Variants in SPHKAP observed in about 807,000 individuals in gnomAD.
The protein encoded by SPHKAP is SPHK1 interactor, AKAP domain containing.
Under a neutral mutation model 137.5 loss-of-function variants are expected in SPHKAP, and 67 were observed. The observed-to-expected ratio is 0.49, with a 90% CI of 0.40 to 0.60. The LOEUF is 0.60. Ranked by LOEUF, SPHKAP falls within the 20% of genes least tolerant of loss-of-function variation. SPHKAP has a pLI of 0.00. For synonymous variants in SPHKAP, 813 were observed against 785.3 expected, an observed-to-expected ratio of 1.04 and a Z score of -0.59; for missense variants, 2,097 against 2,069.3, an observed-to-expected ratio of 1.01 and a Z score of -0.26.
intron 11 of SPHKAP, among the ~76,000 whole-genome samples, chr2:227,986,718 C>T (rs1427769681): frequency 6.6e-6 from 1 of 152,172 alleles, no homozygotes; most frequent in African/African-American, 2.4e-5. Flanking sequence ...ATACCCATTT[C>T]CTCCTTGGGC....
intron 3 of SPHKAP, among the ~76,000 whole-genome samples, chr2:228,080,067 TG>T (rs986266948): frequency 4.1e-5 from 6 of 146,330 alleles, no homozygotes; most frequent in Admixed American, 1.4e-4. Context: ...GAAGTAACAA[TG>T]TTTTTTTTTT....
At chr2:228,005,127 T>C (rs998692731) in intron 7 of SPHKAP, among the ~76,000 whole-genome samples, 12 of 152,192 alleles carry the variant, frequency 7.9e-5, no homozygotes, top group African/African-American at 2.9e-4. Context: ...TTCTGTCTCG[T>C]TGATCTGTCT....
At chr2:228,058,209 A>G (rs953869158) in intron 3 of SPHKAP, among the ~76,000 whole-genome samples, 2 of 152,174 alleles carry the variant, frequency 1.3e-5, no homozygotes, top group Admixed American at 6.5e-5. Flanking sequence ...TGCATCCTGC[A>G]TCTCCCAGCC....
At chr2:228,175,499 A>G (rs888104124) in intron 1 of SPHKAP, among the ~76,000 whole-genome samples, 26 of 152,306 alleles carry the variant, frequency 1.7e-4, no homozygotes, top group Admixed American at 1.3e-4. Context: ...CTGCTTAATA[A>G]AAAACATCTA....
rs568686467 is a variant in SPHKAP, at chr2:228,060,308, G to A, written c.247-32765C>T. ...AACAGCAACATTTCTTTTCACTCAC[G>A]CTGGCAATTCACTCTTGGTTTGCTA... On this transcript the variant is annotated intron_variant, in intron 3 of 11. Coordinates refer to ENST00000392056, the MANE Select transcript of SPHKAP (RefSeq NM_001142644.2). Among the ~76,000 whole-genome samples, 38 of 152,220 alleles carry A rather than the reference G, an allele frequency of 2.5e-4. No homozygotes were observed. The East Asian group carries it at 2.9e-3, about 12-fold the overall frequency.
At chr2:228,026,202 A>C (rs1378990812) in intron 4 of SPHKAP, among the ~76,000 whole-genome samples, 2 of 152,150 alleles carry the variant, frequency 1.3e-5, no homozygotes, top group African/African-American at 4.8e-5. Flanking sequence ...CCTCTTTCTT[A>C]TAAGTCCAAT....
chr2:227,991,506 G>A (rs1230213486), intron 9 of SPHKAP, 180 bp from the exon 10 acceptor site: 1 of 985,228 alleles, frequency 1.0e-6, no homozygotes, highest in Non-Finnish European at 1.2e-6. Flanking sequence ...AAGATCACTG[G>A]GTCTGCAATA....
Position 227,981,075 on chromosome 2 carries a change from C to T in SPHKAP, c.*642G>A, listed in dbSNP as rs1692976714. On this transcript the variant is annotated 3_prime_UTR_variant, in exon 12 of 12. Coordinates refer to ENST00000392056, the MANE Select transcript of SPHKAP (RefSeq NM_001142644.2). Reference sequence around the variant, plus strand: ...TGAATGACAATAGTTTTCTGCTTAGCTGGGAGTCCACATACTATTTGGGAG... The same window carrying T: ...TGAATGACAATAGTTTTCTGCTTAGTTGGGAGTCCACATACTATTTGGGAG... The T allele has an allele frequency of 6.6e-6, 1 of 152,164 alleles. No individual in the cohort carries two copies. The highest frequency in any genetic ancestry group is 1.9e-4 in the East Asian group (1 of 5,190). 9.4% of individuals were successfully genotyped at this position (152,164 alleles called of 1,614,324 possible). A position where few individuals can be genotyped will look rare whatever the true frequency, so the allele number is the denominator to read the frequency against.
At position 228,016,433 on chromosome 2, in the gene SPHKAP, G is replaced by A; in HGVS notation, c.4421C>T (p.Thr1474Ile). The change falls in exon 7 of 12, where the codon ACA (threonine) becomes ATA (isoleucine). Residue 1474 changes from threonine (T) to isoleucine (I), a missense_variant. Coordinates refer to ENST00000392056, the MANE Select transcript of SPHKAP (RefSeq NM_001142644.2). ...ATGGATTTGACAAGCGCTCACGGCT[G>A]TGTCTCCACCTCTCACCACATCTGG... ...NIPDVVRGGD[T>I]AVSACQIHSD... 1.2e-6 allele frequency: 2 copies of A among 1,606,304 alleles called. No individual in the cohort carries two copies. Among genetic ancestry groups the A allele is most frequent in the Non-Finnish European group, 1.7e-6 (2 of 1,177,166 alleles).
At chr2:228,085,795 G>A (rs1303842846) in intron 3 of SPHKAP, among the ~76,000 whole-genome samples, 1 of 152,096 alleles carries the variant, frequency 6.6e-6, no homozygotes, top group Non-Finnish European at 1.5e-5. Context: ...TGTATTATAA[G>A]GAACCCTGAG....
chr2:228,138,274 C>T (rs1699496038), intron 1 of SPHKAP, among the ~76,000 whole-genome samples: 1 of 152,192 alleles, frequency 6.6e-6, no homozygotes, highest in Non-Finnish European at 1.5e-5. Flanking sequence ...TTCACTCTGC[C>T]TGTGGGGTAT....
At chr2:228,084,514 T>C (rs1322258991) in intron 3 of SPHKAP, among the ~76,000 whole-genome samples, 1 of 152,212 alleles carries the variant, frequency 6.6e-6, no homozygotes, top group East Asian at 1.9e-4. Flanking sequence ...TGTTTTGTTT[T>C]CAAACAAATG....
At chr2:228,002,470 C>T (rs184124986) in intron 7 of SPHKAP, among the ~76,000 whole-genome samples, 10,565 of 152,158 alleles carry the variant, frequency 0.069, 521 homozygotes, top group Middle Eastern at 0.2. Context: ...GATATTAGCC[C>T]TTTGTCAGAT....
intron 3 of SPHKAP, among the ~76,000 whole-genome samples, chr2:228,082,546 C>T (rs999271197): frequency 2.0e-5 from 3 of 152,166 alleles, no homozygotes; most frequent in Non-Finnish European, 4.4e-5. Context: ...TTTGTGAAAT[C>T]GCTAAACAGT....
chr2:228,027,690 G>T, intron 3 of SPHKAP, 147 bp from the exon 4 acceptor site: 2 of 800,412 alleles, frequency 2.5e-6, no homozygotes, highest in Non-Finnish European at 3.9e-6. Flanking sequence ...ATTTCAGGGC[G>T]GGCGCAGTGG....
At chr2:228,048,107 G>A (rs984405413) in intron 3 of SPHKAP, among the ~76,000 whole-genome samples, 3 of 152,086 alleles carry the variant, frequency 2.0e-5, no homozygotes, top group East Asian at 1.9e-4. Context: ...CTAATTGTCC[G>A]CTGGGGCTGA....
intron 3 of SPHKAP, chr2:228,028,111 G>C: frequency 1.1e-6 from 1 of 944,000 alleles, no homozygotes; most frequent in African/African-American, 1.8e-5. Context: ...AAGTCTGCTT[G>C]TATTAGAGCC....
rs990668163 is a variant in SPHKAP, at chr2:228,043,387, C to T, written c.247-15844G>A. On this transcript the variant is annotated intron_variant, in intron 3 of 11. Coordinates refer to ENST00000392056, the MANE Select transcript of SPHKAP (RefSeq NM_001142644.2). The stretch of plus-strand genomic sequence containing the variant: ...TGTCGCCCAGGCTGGAGTGCAGTGG[C>T]ACGATCTCGGCTTACTGCAACCTCT... Among the ~76,000 whole-genome samples, 17 of 152,344 alleles carry T rather than the reference C, an allele frequency of 1.1e-4. 1 individual carries two copies. The highest frequency in any genetic ancestry group is 1.1e-3 in the Admixed American group (17 of 15,302).
chr2:228,096,818 T>G (rs1279933841), intron 3 of SPHKAP, among the ~76,000 whole-genome samples: 1 of 152,186 alleles, frequency 6.6e-6, no homozygotes, highest in Non-Finnish European at 1.5e-5. Flanking sequence ...CACTTTCTCA[T>G]TTCCTAACAA....
Sources: allele counts gnomAD v4.1 joint callset (sites outside exome capture counted in the v4.1 genomes callset), GRCh38; gene constraint gnomAD v4.1.1; transcripts MANE v1.5; gene names NCBI Gene and HGNC (gene_info 2026-07-23, HGNC 2026-07-21).